The following ROBO1 variants were observed in gnomAD, a reference collection of about 807,000 sequenced individuals.
ROBO1 encodes roundabout homolog 1.
A neutral mutation model predicts 195.9 loss-of-function variants in ROBO1; 149 were observed. The ratio of observed to expected loss-of-function variants is 0.76; its 90% CI spans 0.67 to 0.87. The LOEUF is 0.87. ROBO1 is among the 40% of genes least tolerant of loss of function. ROBO1 has a pLI of 0.00. For missense variants in ROBO1, 1,933 were observed against 2,068.3 expected, an observed-to-expected ratio of 0.93 and a Z score of 1.27; for synonymous variants, 816 against 733.2, an observed-to-expected ratio of 1.11 and a Z score of -1.82.
At chr3:78,706,505 T>C (rs1169766667) in intron 8 of ROBO1, among the ~76,000 whole-genome samples, 1 of 151,860 alleles carries the variant, frequency 6.6e-6, no homozygotes, top group Non-Finnish European at 1.5e-5. Context: ...TTTTTAAAAT[T>C]ATTTAAAACA....
At chr3:79,406,517 A>C (rs1018936533) in intron 2 of ROBO1, among the ~76,000 whole-genome samples, 1 of 152,036 alleles carries the variant, frequency 6.6e-6, no homozygotes, top group African/African-American at 2.4e-5. Flanking sequence ...TCTTTCCCCC[A>C]AAAGCTAGAA....
At chr3:78,758,525 CAAAAAAA>C in intron 4 of ROBO1, among the ~76,000 whole-genome samples, 1 of 85,288 alleles carries the variant, frequency 1.2e-5, no homozygotes, top group South Asian at 4.2e-4. Context: ...GACCCTATCT[CAAAAAAA>C]AAAAAAAAAA....
chr3:79,320,253 G>A (rs548488575), intron 2 of ROBO1, among the ~76,000 whole-genome samples: 3 of 152,184 alleles, frequency 2.0e-5, no homozygotes, highest in Admixed American at 2.0e-4. Flanking sequence ...AGAGCTGTGG[G>A]GTCTCTATTA....
chr3:79,625,963 A>T (rs1945165733), intron 1 of ROBO1, among the ~76,000 whole-genome samples: 1 of 152,176 alleles, frequency 6.6e-6, no homozygotes, highest in South Asian at 2.1e-4. Flanking sequence ...CCTCAATAAA[A>T]TACTGGCCAA....
intron 2 of ROBO1, among the ~76,000 whole-genome samples, chr3:79,342,971 C>T (rs975105062): frequency 1.6e-4 from 24 of 152,062 alleles, no homozygotes; most frequent in Admixed American, 9.8e-4. Flanking sequence ...AGTAGTTTCA[C>T]TGCCCTAAAA....
At chr3:79,684,407 T>C (rs1947039114) in intron 1 of ROBO1, among the ~76,000 whole-genome samples, 2 of 152,118 alleles carry the variant, frequency 1.3e-5, no homozygotes, top group Non-Finnish European at 2.9e-5. Flanking sequence ...TACATTTCTT[T>C]TTCTTTACCT....
chr3:79,046,763 C>T (rs1208502547), intron 3 of ROBO1, among the ~76,000 whole-genome samples: 1 of 152,076 alleles, frequency 6.6e-6, no homozygotes, highest in Non-Finnish European at 1.5e-5. Context: ...TCTGATTTCC[C>T]CAGCCCACTG....
chr3:79,219,322 G>A (rs1403715180), intron 2 of ROBO1, among the ~76,000 whole-genome samples: 1 of 151,914 alleles, frequency 6.6e-6, no homozygotes, highest in Admixed American at 6.6e-5. Context: ...TATGTCAAGT[G>A]ATATCTAACA....
chr3:79,049,789 A>C (rs2078662182), intron 3 of ROBO1, among the ~76,000 whole-genome samples: 1 of 152,176 alleles, frequency 6.6e-6, no homozygotes, highest in Non-Finnish European at 1.5e-5. Context: ...TTTCATATCC[A>C]GCCAAACTAA....
rs1022931183 is a variant in ROBO1, at chr3:79,264,587, G to GT, written c.89-139049dup. Among the ~76,000 whole-genome samples, 3 of 151,766 alleles carry GT rather than the reference G, an allele frequency of 2.0e-5. No homozygotes were observed. The Admixed American group carries it at 2.0e-4, about 10-fold the overall frequency. Reference sequence around the variant, plus strand: ...TATACCCATACCTATTGTCATGCTTGTTAAGTATAAAACTTACTAAATATA... The same window carrying GT: ...TATACCCATACCTATTGTCATGCTTGTTTAAGTATAAAACTTACTAAATATA... On this transcript the variant is annotated intron_variant, in intron 2 of 30. Coordinates refer to ENST00000464233, the MANE Select transcript of ROBO1 (RefSeq NM_002941.4).
At chr3:79,043,192 A>G (rs1300092520) in intron 3 of ROBO1, among the ~76,000 whole-genome samples, 2 of 152,112 alleles carry the variant, frequency 1.3e-5, no homozygotes, top group African/African-American at 4.8e-5. Flanking sequence ...CCATAATTGG[A>G]GGTTTGTGGA....
intron 1 of ROBO1, among the ~76,000 whole-genome samples, chr3:79,646,783 T>C (rs568817435): frequency 6.6e-6 from 1 of 152,250 alleles, no homozygotes; most frequent in South Asian, 2.1e-4. Flanking sequence ...TGGAGGTTAC[T>C]ATGTTAAGTG....
At chr3:79,163,293 A>G (rs1287852077) in intron 2 of ROBO1, among the ~76,000 whole-genome samples, 1 of 152,084 alleles carries the variant, frequency 6.6e-6, no homozygotes, top group Non-Finnish European at 1.5e-5. Context: ...TCTTTGTGTG[A>G]CTGGCTTATT....
intron 3 of ROBO1, among the ~76,000 whole-genome samples, chr3:79,020,443 G>A (rs2078075466): frequency 6.6e-6 from 1 of 152,174 alleles, no homozygotes; most frequent in African/African-American, 2.4e-5. Context: ...TGTAATCTCA[G>A]CACTTTGGGA....
At chr3:78,718,587 T>C (rs915866673) in intron 5 of ROBO1, among the ~76,000 whole-genome samples, 3 of 152,008 alleles carry the variant, frequency 2.0e-5, no homozygotes, top group African/African-American at 2.4e-5. Flanking sequence ...ACATACAGTA[T>C]AAGAAGTCGA....
chr3:79,018,479 T>A, intron 3 of ROBO1: 1 of 1,613,776 alleles, frequency 6.2e-7, no homozygotes, highest in Non-Finnish European at 8.5e-7. Flanking sequence ...GGGTGGATCC[T>A]GTATACAGTC....
chr3:78,806,084 G>A (rs971737271), intron 4 of ROBO1, among the ~76,000 whole-genome samples: 19 of 151,212 alleles, frequency 1.3e-4, no homozygotes, highest in African/African-American at 3.9e-4. Flanking sequence ...CTAGGCCTCC[G>A]AAGTAGCTAG....
chr3:78,682,828 C>G (rs546047750), intron 10 of ROBO1, among the ~76,000 whole-genome samples: 1 of 150,516 alleles, frequency 6.6e-6, no homozygotes, highest in African/African-American at 2.4e-5. Context: ...GTACAGTTGA[C>G]TTTTTTATAT....
At chr3:79,704,374 T>G (rs1259342153) in intron 1 of ROBO1, among the ~76,000 whole-genome samples, 1 of 151,930 alleles carries the variant, frequency 6.6e-6, no homozygotes, top group Non-Finnish European at 1.5e-5. Context: ...CTTAAAACCA[T>G]TCATCTTTTT....
Sources: gnomAD v4.1 joint callset for allele counts (sites outside exome capture counted in the v4.1 genomes callset) on GRCh38, gnomAD v4.1.1 for gene constraint, MANE v1.5 for transcripts, NCBI Gene and HGNC (gene_info 2026-07-23, HGNC 2026-07-21) for gene names.